Variants in GUCY1A2 observed in about 807,000 individuals in gnomAD.
The protein encoded by GUCY1A2 is guanylate cyclase soluble subunit alpha-2.
A neutral mutation model predicts 63.5 loss-of-function variants in GUCY1A2; 27 were observed. That is an observed-to-expected ratio of 0.43 (90% CI 0.31 to 0.59). The LOEUF (loss-of-function observed/expected upper bound fraction) is 0.59, where lower values mean the gene tolerates loss of function less well. Among genes scored for constraint, GUCY1A2 ranks in the 20% least tolerant of loss-of-function variants. The pLI is 0.11. For synonymous variants in GUCY1A2, 364 were observed against 343.5 expected (o/e 1.06, Z -0.66); for missense variants, 768 against 913.3 (o/e 0.84, Z 2.05).
intron 4 of GUCY1A2, among the ~76,000 whole-genome samples, chr11:106,842,572 G>T (rs1425147961): frequency 1.3e-5 from 2 of 152,002 alleles, no homozygotes; most frequent in Non-Finnish European, 2.9e-5. Flanking sequence ...GAATCAGTCA[G>T]TGTGGTGTGT....
intron 4 of GUCY1A2, among the ~76,000 whole-genome samples, chr11:106,920,760 T>C (rs1164010246): frequency 6.6e-6 from 1 of 152,154 alleles, no homozygotes; most frequent in African/African-American, 2.4e-5. Context: ...TGTTGGTTTC[T>C]TTCACAGTAC....
At chr11:106,873,877 A>G (rs1859714337) in intron 4 of GUCY1A2, among the ~76,000 whole-genome samples, 1 of 152,110 alleles carries the variant, frequency 6.6e-6, no homozygotes, top group Admixed American at 6.6e-5. Context: ...CAATCTGTTA[A>G]TAATTATCCA....
chr11:106,993,755 A>C (rs1861501304), intron 1 of GUCY1A2, among the ~76,000 whole-genome samples: 1 of 152,226 alleles, frequency 6.6e-6, no homozygotes. Context: ...CAGCACTGCA[A>C]AGTTTAAGCA....
intron 1 of GUCY1A2, among the ~76,000 whole-genome samples, chr11:106,993,513 T>C (rs778939482): frequency 2.1e-4 from 31 of 150,800 alleles, no homozygotes; most frequent in Non-Finnish European, 3.3e-4. Context: ...CTAAACTTAC[T>C]ACATATAAGC....
chr11:106,867,291 C>T (rs1383045213), intron 4 of GUCY1A2, among the ~76,000 whole-genome samples: 1 of 151,998 alleles, frequency 6.6e-6, no homozygotes, highest in Non-Finnish European at 1.5e-5. Flanking sequence ...TATTTATCAG[C>T]CTGCTGTCAC....
rs1029747671 is a variant in GUCY1A2 at position 106,681,168 on chromosome 11, T to C, written c.*6381A>G. 4.6e-6 allele frequency: 1 copy of C among 215,998 alleles called. No homozygotes were observed. The highest frequency in any genetic ancestry group is 9.3e-6 in the Non-Finnish European group (1 of 106,984). 13.4% of individuals were successfully genotyped at this position (215,998 alleles called of 1,614,324 possible). ...ATCATTTTCAGACTTTTATTTATTG[T>C]GCTACAGGTGACTTTCAGTCAATCA... On this transcript the variant is annotated 3_prime_UTR_variant, in exon 8 of 8. Transcript: ENST00000526355.
chr11:106,915,883 G>T (rs1358861955), intron 4 of GUCY1A2, among the ~76,000 whole-genome samples: 2 of 144,522 alleles, frequency 1.4e-5, no homozygotes, highest in African/African-American at 4.9e-5. Context: ...CTGAAAAACA[G>T]CCTTCTGGGA....
chr11:106,900,506 A>G (rs1050217964), intron 4 of GUCY1A2, among the ~76,000 whole-genome samples: 12 of 152,240 alleles, frequency 7.9e-5, no homozygotes, highest in African/African-American at 2.9e-4. Flanking sequence ...GCGTGGGCCA[A>G]TTTAACGAAG....
At chr11:106,855,850 C>G (rs986025518) in intron 4 of GUCY1A2, among the ~76,000 whole-genome samples, 1 of 151,650 alleles carries the variant, frequency 6.6e-6, no homozygotes, top group African/African-American at 2.4e-5. Flanking sequence ...AAGTATTAGT[C>G]CTTCATAGTT....
chr11:106,938,751 A>G (rs77623011), intron 4 of GUCY1A2, among the ~76,000 whole-genome samples: 4,912 of 152,280 alleles, frequency 0.032, 258 homozygotes, highest in African/African-American at 0.11. Context: ...ATGTTCATTT[A>G]AACCCAAATA....
chr11:106,990,452 A>G (rs940572245), intron 1 of GUCY1A2, among the ~76,000 whole-genome samples: 5 of 152,392 alleles, frequency 3.3e-5, no homozygotes, highest in Middle Eastern at 3.4e-3. Context: ...GGGAGGAAGC[A>G]GTCCCCAGCA....
At chr11:106,700,807 A>T (rs1276048263) in intron 7 of GUCY1A2, among the ~76,000 whole-genome samples, 1 of 151,082 alleles carries the variant, frequency 6.6e-6, no homozygotes, top group Non-Finnish European at 1.5e-5. Context: ...TTTTTTTTTT[A>T]AGAAAAGGCT....
intron 3 of GUCY1A2, among the ~76,000 whole-genome samples, chr11:106,971,312 GA>G (rs1170392334): frequency 4.0e-5 from 6 of 151,618 alleles, no homozygotes; most frequent in Non-Finnish European, 7.4e-5. Context: ...ACAAATATAT[GA>G]AAAAAATCTT....
chr11:106,835,465 G>A lies in GUCY1A2; in HGVS notation c.1207-24987C>T, dbSNP rs1278944236. On this transcript the variant is annotated intron_variant, in intron 4 of 7. Transcript: ENST00000526355. ...AATCTAAATTAATCAGAGTACCTGAGGGAGAGAATAAAGAGAATGGGGAGA... is the reference window on the plus strand; with the variant it reads ...AATCTAAATTAATCAGAGTACCTGAAGGAGAGAATAAAGAGAATGGGGAGA... 2.0e-5 allele frequency among the ~76,000 whole-genome samples: 3 copies of A among 151,600 alleles called. No individual in the cohort carries two copies. The East Asian group carries it at 5.8e-4, about 29-fold the overall frequency.
At chr11:106,900,513 G>A (rs1860117442) in intron 4 of GUCY1A2, among the ~76,000 whole-genome samples, 3 of 152,120 alleles carry the variant, frequency 2.0e-5, no homozygotes, top group Non-Finnish European at 2.9e-5. Context: ...CCAATTTAAC[G>A]AAGTAAACAT....
At chr11:106,705,646 G>C (rs1862895103) in intron 7 of GUCY1A2, among the ~76,000 whole-genome samples, 1 of 152,076 alleles carries the variant, frequency 6.6e-6, no homozygotes, top group African/African-American at 2.4e-5. Context: ...AGATCACGAG[G>C]TCAGGAGATG....
rs576380909 is a variant in GUCY1A2 at position 106,769,117 on chromosome 11, T to C, written c.1836+7322A>G. ...TAAATTATTTCTATAATATTTTATATACAATCTCCAGCATTCAAACAAAAA... is the reference window on the plus strand; with the variant it reads ...TAAATTATTTCTATAATATTTTATACACAATCTCCAGCATTCAAACAAAAA... On this transcript the variant is annotated intron_variant, in intron 6 of 7. Transcript: ENST00000526355. Among the ~76,000 whole-genome samples the C allele has an allele frequency of 5.3e-5, 8 of 150,614 alleles. No homozygotes were observed. In the South Asian group the frequency reaches 1.7e-3, roughly 33 times the overall value.
intron 4 of GUCY1A2, among the ~76,000 whole-genome samples, chr11:106,893,774 CAGTG>C (rs1860007314): frequency 6.6e-6 from 1 of 152,070 alleles, no homozygotes; most frequent in South Asian, 2.1e-4. Flanking sequence ...CCTTGGGAAC[CAGTG>C]CCACAGTAGA....
At chr11:106,994,143 G>C (rs942788796) in intron 1 of GUCY1A2, among the ~76,000 whole-genome samples, 25 of 152,148 alleles carry the variant, frequency 1.6e-4, no homozygotes, top group African/African-American at 6.0e-4. Context: ...CCCATCTGGG[G>C]ATTCAAACTA....
Sources: allele counts gnomAD v4.1 joint callset (sites outside exome capture counted in the v4.1 genomes callset), GRCh38; gene constraint gnomAD v4.1.1; transcripts MANE v1.5; gene names NCBI Gene and HGNC (gene_info 2026-07-23, HGNC 2026-07-21).